The following RARB variants were observed in gnomAD, a reference collection of about 807,000 sequenced individuals.
RARB encodes HBV-activated protein.
RARB carries 17 observed loss-of-function variants against 51.9 expected under a neutral mutation model. The observed-to-expected ratio is 0.33, with a 90% CI of 0.22 to 0.49. RARB has a LOEUF of 0.49. Among genes scored for constraint, RARB ranks in the 20% least tolerant of loss-of-function variants. The pLI is 0.99. For missense variants in RARB, 369 were observed against 550.8 expected, an observed-to-expected ratio of 0.67 and a Z score of 3.30; for synonymous variants, 215 against 195.4, an observed-to-expected ratio of 1.10 and a Z score of -0.84.
chr3:24,951,820 A>G (rs1253140165), intron 2 of RARB, among the ~76,000 whole-genome samples: 1 of 152,176 alleles, frequency 6.6e-6, no homozygotes, highest in Admixed American at 6.5e-5. Flanking sequence ...CATGATAAAC[A>G]ATTTATTGAT....
rs1271361063 is a variant in RARB at position 25,038,549 on chromosome 3, A to G, written c.-379-21576A>G. Among the ~76,000 whole-genome samples the G allele has an allele frequency of 3.3e-5, 5 of 152,118 alleles. No homozygotes were observed. The East Asian group carries it at 9.6e-4, about 29-fold the overall frequency. ...CCTTTTTTTCTTTGTTGCTGAAGGA[A>G]GGTGATGAAGTGGTGCCAAGAAAGT... On this transcript the variant is annotated intron_variant, in intron 2 of 11. Transcript: ENST00000383772.
intron 5 of RARB, among the ~76,000 whole-genome samples, chr3:25,242,068 G>A (rs894393675): frequency 6.6e-6 from 1 of 152,190 alleles, no homozygotes; most frequent in African/African-American, 2.4e-5. Context: ...ACCAGTGGAT[G>A]AGCTTCTTTT....
At chr3:25,284,279 C>T (rs987781396) in intron 5 of RARB, among the ~76,000 whole-genome samples, 10 of 152,154 alleles carry the variant, frequency 6.6e-5, no homozygotes, top group African/African-American at 2.4e-4. Context: ...CAATACCTGA[C>T]TACAACCTGT....
chr3:24,858,610 A>G (rs1702677826), intron 1 of RARB: 1 of 151,468 alleles, frequency 6.6e-6, no homozygotes, highest in African/African-American at 2.4e-5. Flanking sequence ...ATTTTGAATA[A>G]TCTAATTTCT....
In RARB at chr3:25,569,940, G is replaced by T. The variant is rs775919820; in HGVS notation, c.609+22G>T. 2.5e-6 allele frequency: 4 copies of T among 1,608,424 alleles called. No homozygotes were observed. In the African/African-American group the frequency reaches 5.4e-5, roughly 22 times the overall value. On this transcript the variant is annotated intron_variant, in intron 4 of 7. Coordinates refer to ENST00000330688, the MANE Select transcript of RARB (RefSeq NM_000965.5). Reference sequence around the variant, plus strand: ...CACGGTAAGAGATACTCCTGCCCCAGGCTGCTGGGAGTGTGGAAACCTTGT... The same window carrying T: ...CACGGTAAGAGATACTCCTGCCCCATGCTGCTGGGAGTGTGGAAACCTTGT...
chr3:25,256,975 T>TA (rs932651219), intron 5 of RARB, among the ~76,000 whole-genome samples: 1 of 152,094 alleles, frequency 6.6e-6, no homozygotes, highest in Admixed American at 6.6e-5. Context: ...TTGCCCAAAA[T>TA]ATCATACGAT....
At chr3:25,104,020 C>T (rs540106585) in intron 3 of RARB, among the ~76,000 whole-genome samples, 16 of 152,150 alleles carry the variant, frequency 1.1e-4, no homozygotes, top group African/African-American at 2.4e-4. Flanking sequence ...ACAGATATGC[C>T]GTACAGTTTC....
chr3:25,200,062 G>A (rs1015635656), intron 5 of RARB, among the ~76,000 whole-genome samples: 6 of 152,156 alleles, frequency 3.9e-5, no homozygotes, highest in African/African-American at 4.8e-5. Context: ...AGTCCCACCA[G>A]CAGTGTAAAA....
chr3:25,015,228 T>C (rs1697483507), intron 2 of RARB, among the ~76,000 whole-genome samples: 1 of 152,116 alleles, frequency 6.6e-6, no homozygotes, highest in Non-Finnish European at 1.5e-5. Context: ...CCATATTATA[T>C]AAGATCAAAA....
chr3:25,209,035 G>A (rs559318973), intron 5 of RARB, among the ~76,000 whole-genome samples: 8 of 152,310 alleles, frequency 5.3e-5, no homozygotes, highest in Admixed American at 2.0e-4. Context: ...GAGGGATTTA[G>A]GTTAAAAGTG....
chr3:25,567,925 G>A (rs1199489834), intron 3 of RARB, among the ~76,000 whole-genome samples: 4 of 152,068 alleles, frequency 2.6e-5, no homozygotes, highest in South Asian at 2.1e-4. Flanking sequence ...CCACCATGCC[G>A]CCTCTGCCAC....
chr3:25,027,964 T>G (rs1179303901), intron 2 of RARB, among the ~76,000 whole-genome samples: 1 of 100,322 alleles, frequency 1.0e-5, no homozygotes, highest in Non-Finnish European at 2.1e-5. Context: ...AGGCCTTCAT[T>G]GGCTCATGGA....
intron 3 of RARB, among the ~76,000 whole-genome samples, chr3:25,084,154 T>C (rs1699061954): frequency 6.6e-6 from 1 of 152,210 alleles, no homozygotes; most frequent in Non-Finnish European, 1.5e-5. Context: ...ACATTCTATC[T>C]AACTCAGCAG....
chr3:25,482,494 T>A (rs1696268399), intron 2 of RARB, among the ~76,000 whole-genome samples: 1 of 150,206 alleles, frequency 6.7e-6, no homozygotes. Flanking sequence ...AAGTTACACA[T>A]GTAACTTTAA....
chr3:24,920,808 T>C (rs1024688193), intron 2 of RARB, among the ~76,000 whole-genome samples: 20 of 152,216 alleles, frequency 1.3e-4, no homozygotes, highest in Admixed American at 6.5e-5. Context: ...TCTCTCTCAC[T>C]TTGTCAATCT....
At chr3:24,843,536 A>G (rs138323764) in intron 1 of RARB, among the ~76,000 whole-genome samples, 6 of 152,186 alleles carry the variant, frequency 3.9e-5, no homozygotes, top group African/African-American at 1.4e-4. Context: ...AGTTCCACAC[A>G]CTCATTTCCC....
chr3:25,270,247 A>C (rs1218615548), intron 5 of RARB, among the ~76,000 whole-genome samples: 1 of 152,222 alleles, frequency 6.6e-6, no homozygotes, highest in South Asian at 2.1e-4. Flanking sequence ...CCATTGGTGC[A>C]TGAATAGATA....
intron 2 of RARB, among the ~76,000 whole-genome samples, chr3:25,497,073 G>A (rs990123370): frequency 3.5e-4 from 53 of 152,172 alleles, no homozygotes; most frequent in East Asian, 1.2e-3. Context: ...TAGTAGAGAC[G>A]GGCTTTCTCC....
chr3:25,222,641 G>T (rs544002223), intron 5 of RARB, among the ~76,000 whole-genome samples: 36 of 152,292 alleles, frequency 2.4e-4, no homozygotes, highest in African/African-American at 7.9e-4. Context: ...TGAAAAAGAT[G>T]ATAGATGGAA....
Sources: gnomAD v4.1 joint callset for allele counts (sites outside exome capture counted in the v4.1 genomes callset) on GRCh38, gnomAD v4.1.1 for gene constraint, MANE v1.5 for transcripts, NCBI Gene and HGNC (gene_info 2026-07-23, HGNC 2026-07-21) for gene names.